Variants in GALNT7 observed in about 807,000 individuals in gnomAD.
GALNT7 encodes the protein N-acetylgalactosaminyltransferase 7.
In GALNT7, 60 loss-of-function variants were observed where a neutral mutation model predicts 82.1. The observed-to-expected ratio is 0.73, with a 90% CI of 0.59 to 0.91. The LOEUF (loss-of-function observed/expected upper bound fraction) is 0.91, where lower values mean the gene tolerates loss of function less well. Ranked by LOEUF, GALNT7 falls within the 40% of genes least tolerant of loss-of-function variation. The probability of loss-of-function intolerance (pLI) is 0.00; values close to 1 mark genes in which losing one functional copy is unlikely to be tolerated. For missense variants in GALNT7, 660 were observed against 804.2 expected, an observed-to-expected ratio of 0.82 and a Z score of 2.17; for synonymous variants, 243 against 275.1, an observed-to-expected ratio of 0.88 and a Z score of 1.15.
intron 8 of GALNT7, among the ~76,000 whole-genome samples, chr4:173,307,148 G>A (rs1293772393): frequency 6.6e-6 from 1 of 152,240 alleles, no homozygotes; most frequent in African/African-American, 2.4e-5. Flanking sequence ...TGGCTGCCAA[G>A]GTCATCCTGA....
intron 10 of GALNT7, among the ~76,000 whole-genome samples, chr4:173,318,048 CAA>C (rs1737670442): frequency 1.3e-5 from 2 of 152,148 alleles, no homozygotes; most frequent in African/African-American, 4.8e-5. Context: ...CAATTTTTTG[CAA>C]GTATTGCTCA....
At chr4:173,181,497 A>G (rs1732244838) in intron 1 of GALNT7, among the ~76,000 whole-genome samples, 1 of 152,258 alleles carries the variant, frequency 6.6e-6, no homozygotes, top group Non-Finnish European at 1.5e-5. Context: ...TGATTTTTAA[A>G]TACCTTGGTA....
chr4:173,231,075 CAT>C (rs1215128930), intron 1 of GALNT7, among the ~76,000 whole-genome samples: 5 of 152,218 alleles, frequency 3.3e-5, no homozygotes, highest in Non-Finnish European at 7.4e-5. Flanking sequence ...GTCTGCTTAA[CAT>C]AGGTTGAAAA....
intron 1 of GALNT7, among the ~76,000 whole-genome samples, chr4:173,224,372 A>T (rs1388780810): frequency 1.3e-5 from 2 of 152,200 alleles, no homozygotes; most frequent in Middle Eastern, 3.2e-3. Flanking sequence ...CTCAGACCCC[A>T]AATCAACCAT....
chr4:173,313,943 A>ATATATATATT lies in GALNT7; in HGVS notation c.1390-14_1390-13insATATATATTT, dbSNP rs142053913. 85 of 899,946 alleles carry ATATATATATT rather than the reference A, an allele frequency of 9.4e-5. No individual in the cohort carries two copies. In the African/African-American group the frequency reaches 1.1e-3, roughly 12 times the overall value. 55.7% of individuals were successfully genotyped at this position (899,946 alleles called of 1,614,324 possible). On this transcript the variant is annotated splice_polypyrimidine_tract_variant and intron_variant, in intron 8 of 11. Transcript: ENST00000265000. ...TTTTTATAACGATATATATATATATATTTTTTTTTTACAGAATTATGTTAG... is the reference window on the plus strand; with the variant it reads ...TTTTTATAACGATATATATATATATATATATATATTTTTTTTTTTTACAGAATTATGTTAG...
chr4:173,276,386 G>A (rs1250843964), intron 2 of GALNT7, among the ~76,000 whole-genome samples: 1 of 152,022 alleles, frequency 6.6e-6, no homozygotes, highest in Non-Finnish European at 1.5e-5. Context: ...TAATAACATT[G>A]GAAAAAGGTA....
chr4:173,288,202 G>A (rs1443727314), intron 2 of GALNT7, among the ~76,000 whole-genome samples: 1 of 144,256 alleles, frequency 6.9e-6, no homozygotes, highest in East Asian at 2.1e-4. Flanking sequence ...AGAATGGCGT[G>A]AACCCGGGAG....
chr4:173,286,426 A>T (rs545620719), intron 2 of GALNT7, among the ~76,000 whole-genome samples: 1 of 152,208 alleles, frequency 6.6e-6, no homozygotes, highest in East Asian at 1.9e-4. Flanking sequence ...GTTGTTTCCC[A>T]TGGGTAACCC....
intron 8 of GALNT7, among the ~76,000 whole-genome samples, chr4:173,311,543 G>A (rs1490579107): frequency 6.6e-6 from 1 of 152,196 alleles, no homozygotes; most frequent in Non-Finnish European, 1.5e-5. Flanking sequence ...CGTCTCACCT[G>A]GTGGGAGCAG....
At chr4:173,177,797 C>G (rs1200318710) in intron 1 of GALNT7, among the ~76,000 whole-genome samples, 1 of 152,094 alleles carries the variant, frequency 6.6e-6, no homozygotes, top group African/African-American at 2.4e-5. Flanking sequence ...TCATCATTAG[C>G]ATCTCAGTAA....
chr4:173,304,175 T>C, intron 8 of GALNT7, 57 bp downstream of exon 8: 2 of 1,466,000 alleles, frequency 1.4e-6, no homozygotes, highest in Non-Finnish European at 1.9e-6. Context: ...TACCACATGC[T>C]ATAGTAGTTA....
chr4:173,323,475 T>C lies in GALNT7; in HGVS notation c.*1758T>C, dbSNP rs1450685007. 1 of 152,576 alleles carries C rather than the reference T, an allele frequency of 6.6e-6. No individual in the cohort carries two copies. The highest frequency in any genetic ancestry group is 2.4e-5 in the African/African-American group (1 of 41,450). The allele number at this position is 152,576 out of a possible 1,614,324, so 9.5% of individuals were successfully genotyped here. A position where few individuals can be genotyped will look rare whatever the true frequency, so the allele number is the denominator to read the frequency against. ...ATAAACCAACTATAAAAAAAGAAAC[T>C]AAGAGAGAATTGGTACTTTAATTAC... On this transcript the variant is annotated 3_prime_UTR_variant, in exon 12 of 12. Transcript: ENST00000265000.
chr4:173,231,611 G>A (rs540456779), intron 1 of GALNT7, among the ~76,000 whole-genome samples: 12 of 152,284 alleles, frequency 7.9e-5, no homozygotes, highest in Admixed American at 3.3e-4. Flanking sequence ...GGATAGTTGC[G>A]AGGATTGGAG....
At position 173,302,236 on chromosome 4, in the gene GALNT7, T is replaced by A; in HGVS notation, c.1266+72T>A. 1 of 780,414 alleles carries A rather than the reference T, an allele frequency of 1.3e-6. No homozygotes were observed. The highest frequency in any genetic ancestry group is 1.5e-5 in the South Asian group (1 of 68,650). The allele number at this position is 780,414 out of a possible 1,614,324, so 48.3% of individuals were successfully genotyped here. On this transcript the variant is annotated intron_variant, in intron 7 of 11. Coordinates refer to ENST00000265000, the MANE Select transcript of GALNT7 (RefSeq NM_017423.3). The surrounding 1 kb of genome is among the most constrained non-coding windows in gnomAD (Gnocchi z 4.2). ...TTCTGTGGCTTTCAGATAAAGCTAG[T>A]TTTTTGTGGGGGAAAAAAGCCCACA...
chr4:173,187,402 T>A (rs1342663924), intron 1 of GALNT7, among the ~76,000 whole-genome samples: 2 of 150,882 alleles, frequency 1.3e-5, no homozygotes, highest in Admixed American at 6.6e-5. Flanking sequence ...AAAAAACCTG[T>A]GTACTGGGAA....
Position 173,302,800 on chromosome 4 carries a change from A to G in GALNT7, c.1266+636A>G, listed in dbSNP as rs1205876528. Among the ~76,000 whole-genome samples, 1 of 152,282 alleles carries G rather than the reference A, an allele frequency of 6.6e-6. No homozygotes were observed. Among genetic ancestry groups the G allele is most frequent in the Non-Finnish European group, 1.5e-5 (1 of 68,042 alleles). Reference sequence around the variant, plus strand: ...TCCTGTGCGTAGCACTGTGAGGGATAGAAGAGGAGTAAACCAGTTGTTGCT... The same window carrying G: ...TCCTGTGCGTAGCACTGTGAGGGATGGAAGAGGAGTAAACCAGTTGTTGCT... On this transcript the variant is annotated intron_variant, in intron 7 of 11. Transcript: ENST00000265000. The surrounding 1 kb of genome is among the most constrained non-coding windows in gnomAD (Gnocchi z 4.2).
intron 2 of GALNT7, among the ~76,000 whole-genome samples, chr4:173,284,984 T>C (rs1035155429): frequency 6.6e-6 from 1 of 152,210 alleles, no homozygotes; most frequent in African/African-American, 2.4e-5. Context: ...TGTTGTGCTT[T>C]TATTTCAAAG....
intron 1 of GALNT7, among the ~76,000 whole-genome samples, chr4:173,210,141 GA>G (rs544871663): frequency 3.6e-3 from 458 of 127,874 alleles, no homozygotes; most frequent in African/African-American, 9.4e-3. Context: ...CTCAAAAAAA[GA>G]AAAAAAAAAA....
intron 1 of GALNT7, among the ~76,000 whole-genome samples, chr4:173,186,085 C>A (rs1305220587): frequency 6.6e-6 from 1 of 152,140 alleles, no homozygotes; most frequent in Non-Finnish European, 1.5e-5. Context: ...AGTACAAGGT[C>A]ATGGCTTAAG....
Sources: gnomAD v4.1 joint callset for allele counts (sites outside exome capture counted in the v4.1 genomes callset) on GRCh38, gnomAD v4.1.1 for gene constraint, Gnocchi (gnomAD v3.1) non-coding constraint, MANE v1.5 for transcripts, NCBI Gene and HGNC (gene_info 2026-07-23, HGNC 2026-07-21) for gene names.